Variants in KDM4C observed in about 807,000 individuals in gnomAD.
KDM4C encodes the protein lysine demethylase 4C, also known as lysine-specific demethylase 4C.
A neutral mutation model predicts 129.3 loss-of-function variants in KDM4C; 81 were observed. That is an observed-to-expected ratio of 0.63 (90% confidence interval 0.52 to 0.75). The LOEUF is 0.75. Ranked by LOEUF, KDM4C falls within the 30% of genes least tolerant of loss-of-function variation. The pLI is 0.00. For missense variants in KDM4C, 1,457 were observed against 1,304.0 expected (o/e 1.12, Z -1.81); for synonymous variants, 573 against 456.1 (o/e 1.26, Z -3.26).
intron 15 of KDM4C, among the ~76,000 whole-genome samples, chr9:7,034,125 A>G (rs1827237201): frequency 6.6e-6 from 1 of 152,038 alleles, no homozygotes; most frequent in African/African-American, 2.4e-5. Flanking sequence ...TGGGGTACAC[A>G]GTGGTGTTTC....
chr9:6,831,213 C>G (rs1223187883), intron 4 of KDM4C, among the ~76,000 whole-genome samples: 1 of 152,130 alleles, frequency 6.6e-6, no homozygotes, highest in Non-Finnish European at 1.5e-5. Context: ...ATAAAGACCT[C>G]AGAATCAGTG....
chr9:7,073,935 A>G (rs1833558886), intron 17 of KDM4C, among the ~76,000 whole-genome samples: 1 of 152,196 alleles, frequency 6.6e-6, no homozygotes, highest in East Asian at 1.9e-4. Flanking sequence ...TGTCTCGGAA[A>G]CCTAACTCAT....
At chr9:6,806,119 A>G (rs1210648283) in intron 3 of KDM4C, among the ~76,000 whole-genome samples, 1 of 152,222 alleles carries the variant, frequency 6.6e-6, no homozygotes, top group Non-Finnish European at 1.5e-5. Context: ...TATATGTATT[A>G]GAAGATTAGT....
At chr9:7,074,477 A>G (rs1272635676) in intron 17 of KDM4C, among the ~76,000 whole-genome samples, 1 of 152,102 alleles carries the variant, frequency 6.6e-6, no homozygotes, top group Non-Finnish European at 1.5e-5. Flanking sequence ...TTGCTGAGCA[A>G]TTTTTATATA....
chr9:6,944,351 T>G (rs951576773), intron 8 of KDM4C, among the ~76,000 whole-genome samples: 6 of 152,230 alleles, frequency 3.9e-5, no homozygotes, highest in African/African-American at 1.4e-4. Context: ...GCTTTTCATT[T>G]GCAGGATTTC....
At chr9:7,038,287 C>G (rs960410007) in intron 15 of KDM4C, among the ~76,000 whole-genome samples, 1 of 152,006 alleles carries the variant, frequency 6.6e-6, no homozygotes, top group Admixed American at 6.6e-5. Flanking sequence ...ATTTCCAACA[C>G]TCTCAAAATC....
chr9:7,018,189 A>G (rs1824020560), intron 15 of KDM4C, among the ~76,000 whole-genome samples: 2 of 152,238 alleles, frequency 1.3e-5, no homozygotes, highest in African/African-American at 4.8e-5. Context: ...TGTACGATGT[A>G]GCCCATTGCT....
At position 7,128,168 on chromosome 9, in the gene KDM4C, C is replaced by G. The variant is rs566913729; in HGVS notation, c.2713C>G (p.Gln905Glu). The G allele has an allele frequency of 1.2e-5, 19 of 1,612,892 alleles. No individual in the cohort carries two copies. Among genetic ancestry groups the G allele is most frequent in the Non-Finnish European group, 1.4e-5 (17 of 1,179,584 alleles). ...YSCRVMAVTS[Q>E]TFYEVMFDDG... ...TTGCAGAGTGATGGCTGTGACATCG[C>G]AGACCTTCTATGAGGTCATGTTTGA... Residue 905 changes from glutamine to glutamate, a missense_variant, in exon 19 of 22, where the codon CAG becomes GAG. Transcript: ENST00000381309.
chr9:7,039,398 G>A (rs4742289), intron 15 of KDM4C, among the ~76,000 whole-genome samples: 8,434 of 151,852 alleles, frequency 0.056, 264 homozygotes, highest in South Asian at 0.097. Flanking sequence ...GTAGAATTCT[G>A]TATGGTTGAT....
chr9:6,919,756 G>C (rs904621918), intron 8 of KDM4C, among the ~76,000 whole-genome samples: 2 of 151,912 alleles, frequency 1.3e-5, no homozygotes, highest in Non-Finnish European at 2.9e-5. Context: ...TGTATTTTTA[G>C]TAGAGATGGG....
At chr9:7,112,395 A>C (rs1399628898) in intron 18 of KDM4C, among the ~76,000 whole-genome samples, 1 of 152,146 alleles carries the variant, frequency 6.6e-6, no homozygotes, top group Non-Finnish European at 1.5e-5. Context: ...CTGATGCTCC[A>C]GAGAGGGTGA....
At chr9:7,049,901 C>T (rs553451866) in intron 17 of KDM4C, among the ~76,000 whole-genome samples, 1 of 152,254 alleles carries the variant, frequency 6.6e-6, no homozygotes, top group South Asian at 2.1e-4. Context: ...AGTTCAACTG[C>T]ATGACCTTAA....
chr9:6,816,926 C>T (rs754710700), intron 4 of KDM4C, among the ~76,000 whole-genome samples: 14 of 151,276 alleles, frequency 9.3e-5, no homozygotes, highest in Non-Finnish European at 2.1e-4. Flanking sequence ...ATATATCCTG[C>T]GTATGAGGTA....
At chr9:7,016,719 C>T (rs926725495) in intron 15 of KDM4C, among the ~76,000 whole-genome samples, 58 of 152,076 alleles carry the variant, frequency 3.8e-4, no homozygotes, top group African/African-American at 1.3e-3. Flanking sequence ...AGCCACTGTG[C>T]CCGACTATTA....
chr9:7,125,830 C>G (rs1839976302), intron 18 of KDM4C, among the ~76,000 whole-genome samples: 1 of 152,090 alleles, frequency 6.6e-6, no homozygotes, highest in Non-Finnish European at 1.5e-5. Context: ...TCAGGGCCTT[C>G]CCAGCAGGTC....
intron 8 of KDM4C, chr9:6,925,809 G>T: frequency 4.2e-6 from 1 of 238,866 alleles, no homozygotes; most frequent in Non-Finnish European, 6.8e-6. Context: ...TTGGTTTTGT[G>T]GTAGCTTGAT....
At chr9:6,862,764 G>T (rs556762134) in intron 5 of KDM4C, among the ~76,000 whole-genome samples, 1 of 152,032 alleles carries the variant, frequency 6.6e-6, no homozygotes, top group Non-Finnish European at 1.5e-5. Flanking sequence ...CCGAGATCAC[G>T]CCACTGTACT....
At chr9:7,085,338 A>G (rs1246835560) in intron 17 of KDM4C, among the ~76,000 whole-genome samples, 1 of 152,114 alleles carries the variant, frequency 6.6e-6, no homozygotes, top group Non-Finnish European at 1.5e-5. Flanking sequence ...CCATTCTAAG[A>G]TTTTTCTTGC....
intron 18 of KDM4C, among the ~76,000 whole-genome samples, chr9:7,110,052 C>G (rs1284202724): frequency 6.6e-6 from 1 of 152,176 alleles, no homozygotes; most frequent in Non-Finnish European, 1.5e-5. Context: ...AACCTCTTTC[C>G]TTTGTAAATT....
Sources: allele counts gnomAD v4.1 joint callset (sites outside exome capture counted in the v4.1 genomes callset), GRCh38; gene constraint gnomAD v4.1.1; transcripts MANE v1.5; gene names NCBI Gene and HGNC (gene_info 2026-07-23, HGNC 2026-07-21).